ADK: variants seen among roughly 807,000 people sequenced by gnomAD.
ADK encodes the protein adenosine kinase.
ADK carries 24 observed loss-of-function variants against 44.7 expected under a neutral mutation model. The ratio of observed to expected loss-of-function variants is 0.54; its 90% CI spans 0.39 to 0.76. ADK has a LOEUF of 0.76. ADK is among the 30% of genes least tolerant of loss of function. The pLI, the probability that ADK is intolerant of heterozygous loss-of-function variation, is 0.00. For synonymous variants in ADK, 128 were observed against 142.6 expected, an observed-to-expected ratio of 0.90 and a Z score of 0.73; for missense variants, 321 against 425.1, an observed-to-expected ratio of 0.76 and a Z score of 2.15.
chr10:74,441,948 A>G lies in ADK; in HGVS notation c.555+43369A>G, dbSNP rs137941858. On this transcript the variant is annotated intron_variant, in intron 6 of 10. Transcript: ENST00000539909. ...ACAAATGACCCAGGTATATGAAAAC[A>G]TGTGCAGTGTCCCTAATCATCAAAG... 4.0e-3 allele frequency among the ~76,000 whole-genome samples: 607 copies of G among 152,248 alleles called. 1 individual carries two copies. The highest frequency in any genetic ancestry group is 0.014 in the African/African-American group (565 of 41,540).
chr10:74,200,401 T>A (rs1327172737), intron 1 of ADK, among the ~76,000 whole-genome samples: 3 of 151,480 alleles, frequency 2.0e-5, no homozygotes, highest in Non-Finnish European at 4.4e-5. Context: ...GGAGAATCAC[T>A]TGAACCTGGG....
intron 3 of ADK, among the ~76,000 whole-genome samples, chr10:74,255,584 A>G (rs2132351311): frequency 6.6e-6 from 1 of 152,342 alleles, no homozygotes; most frequent in Middle Eastern, 3.4e-3. Context: ...TGCCATTCTT[A>G]GAATTTCTCA....
chr10:74,705,164 A>G (rs1427961092), intron 10 of ADK, among the ~76,000 whole-genome samples: 1 of 152,184 alleles, frequency 6.6e-6, no homozygotes, highest in Non-Finnish European at 1.5e-5. Flanking sequence ...TCATTATACC[A>G]CAGCTTCTCA....
intron 8 of ADK, among the ~76,000 whole-genome samples, chr10:74,592,299 G>A (rs1437351698): frequency 6.6e-6 from 1 of 151,948 alleles, no homozygotes; most frequent in African/African-American, 2.4e-5. Flanking sequence ...ACTGGAGTGT[G>A]TTTTTAAATC....
chr10:74,677,696 C>T (rs1206093012), intron 10 of ADK, among the ~76,000 whole-genome samples: 4 of 152,058 alleles, frequency 2.6e-5, no homozygotes, highest in Non-Finnish European at 5.9e-5. Context: ...TGACAGCTGC[C>T]CACTGCTAAA....
intron 3 of ADK, among the ~76,000 whole-genome samples, chr10:74,274,732 G>GTGTGTGTATATATATATATATATATATA (rs1554836801): frequency 2.4e-5 from 2 of 84,170 alleles, no homozygotes; most frequent in African/African-American, 8.7e-5. Flanking sequence ...TTTAATGTGT[G>GTGTGTGTATATATATATATATATATATA]TATATATATA....
intron 9 of ADK, among the ~76,000 whole-genome samples, chr10:74,631,219 A>G (rs529445651): frequency 5.8e-4 from 88 of 151,734 alleles, no homozygotes; most frequent in Non-Finnish European, 9.7e-4. Flanking sequence ...CTGTGTCTAT[A>G]TTTAACCTGT....
intron 10 of ADK, among the ~76,000 whole-genome samples, chr10:74,676,031 A>G (rs1855375840): frequency 1.5e-5 from 2 of 130,836 alleles, no homozygotes; most frequent in African/African-American, 5.7e-5. Flanking sequence ...CCAAGAACCA[A>G]CATTCTTAGA....
chr10:74,595,404 T>TTATA (rs1851874133), intron 8 of ADK, among the ~76,000 whole-genome samples: 1 of 103,224 alleles, frequency 9.7e-6, no homozygotes, highest in African/African-American at 3.8e-5. Flanking sequence ...GGGAGGGGGT[T>TTATA]TGGCTTTGTC....
chr10:74,633,924 GA>G (rs1183902149), intron 9 of ADK, among the ~76,000 whole-genome samples: 1 of 152,148 alleles, frequency 6.6e-6, no homozygotes, highest in African/African-American at 2.4e-5. Flanking sequence ...AGTGAGTGAG[GA>G]AATTTCAGAA....
intron 6 of ADK, among the ~76,000 whole-genome samples, chr10:74,429,090 C>A (rs543950695): frequency 6.6e-6 from 1 of 152,118 alleles, no homozygotes; most frequent in Admixed American, 6.5e-5. Flanking sequence ...ATTTTTGGAA[C>A]TTTTTGTACA....
intron 2 of ADK, among the ~76,000 whole-genome samples, chr10:74,220,016 A>G (rs909301753): frequency 2.0e-5 from 3 of 150,208 alleles, no homozygotes; most frequent in African/African-American, 7.4e-5. Context: ...AAATAACTAA[A>G]ATCAGAGCAG....
chr10:74,308,076 T>C (rs1047944096), intron 3 of ADK, among the ~76,000 whole-genome samples: 6 of 152,240 alleles, frequency 3.9e-5, no homozygotes, highest in African/African-American at 1.4e-4. Flanking sequence ...AATGCACTTA[T>C]CATGCATCTA....
chr10:74,576,820 T>C (rs955784700), intron 7 of ADK, among the ~76,000 whole-genome samples: 3 of 152,152 alleles, frequency 2.0e-5, no homozygotes, highest in East Asian at 3.8e-4. Context: ...AACTCATTCT[T>C]TGTCATGGAG....
chr10:74,351,083 C>A (rs1343972102), intron 4 of ADK, among the ~76,000 whole-genome samples: 1 of 152,146 alleles, frequency 6.6e-6, no homozygotes, highest in Non-Finnish European at 1.5e-5. Flanking sequence ...TTTTATGAAG[C>A]CAGCATCATC....
chr10:74,563,105 C>T (rs967715627), intron 7 of ADK, among the ~76,000 whole-genome samples: 7 of 152,134 alleles, frequency 4.6e-5, no homozygotes, highest in Admixed American at 3.3e-4. Context: ...GGCTGGAGTG[C>T]GGTGGCTATT....
chr10:74,265,497 C>T (rs1191224504), intron 3 of ADK, among the ~76,000 whole-genome samples: 1 of 152,132 alleles, frequency 6.6e-6, no homozygotes, highest in Admixed American at 6.5e-5. Flanking sequence ...AGATTACAGG[C>T]GTGAGCCACC....
intron 7 of ADK, among the ~76,000 whole-genome samples, chr10:74,574,612 A>G (rs1054484422): frequency 2.0e-4 from 30 of 152,332 alleles, no homozygotes; most frequent in South Asian, 1.7e-3. Context: ...TTTAAATGCA[A>G]TATTCTTTCA....
intron 6 of ADK, among the ~76,000 whole-genome samples, chr10:74,437,549 A>G (rs1339393632): frequency 1.3e-5 from 2 of 152,090 alleles, no homozygotes; most frequent in African/African-American, 4.8e-5. Context: ...ATAAGTCCCT[A>G]TCTTTATATC....
Sources: allele counts gnomAD v4.1 joint callset (sites outside exome capture counted in the v4.1 genomes callset), GRCh38; gene constraint gnomAD v4.1.1; transcripts MANE v1.5; gene names NCBI Gene and HGNC (gene_info 2026-07-23, HGNC 2026-07-21).